KIF1B: variants seen among roughly 807,000 people sequenced by gnomAD.
KIF1B encodes kinesin-like protein KIF1B.
In KIF1B, 76 loss-of-function variants were observed where a neutral mutation model predicts 241.9. The observed-to-expected ratio is 0.31, with a 90% CI of 0.26 to 0.38. The LOEUF (loss-of-function observed/expected upper bound fraction) is 0.38. KIF1B is among the 10% of genes least tolerant of loss of function. The pLI is 1.00. For missense variants in KIF1B, 1,622 were observed against 2,271.4 expected, an observed-to-expected ratio of 0.71 and a Z score of 5.81; for synonymous variants, 750 against 796.7, an observed-to-expected ratio of 0.94 and a Z score of 0.99.
rs1638968928 is a variant in KIF1B at position 10,379,447 on chromosome 1, T to C, written c.*2860T>C. The C allele has an allele frequency of 4.3e-6, 1 of 231,610 alleles. No individual in the cohort carries two copies. Among genetic ancestry groups the C allele is most frequent in the Non-Finnish European group, 8.6e-6 (1 of 116,894 alleles). The allele number at this position is 231,610 out of a possible 1,614,324, so 14.3% of individuals were successfully genotyped here. A position where few individuals can be genotyped will look rare whatever the true frequency, so the allele number is the denominator to read the frequency against. ...GGCAGGTGCAGACAGCCTTTGCTGG[T>C]CCCCAGCACGTCCAGGGTGGGTGCT... is the stretch of plus-strand genomic sequence containing the variant. On this transcript the variant is annotated 3_prime_UTR_variant, in exon 49 of 49. Coordinates refer to ENST00000676179, the MANE Select transcript of KIF1B (RefSeq NM_001365951.3).
intron 2 of KIF1B, among the ~76,000 whole-genome samples, chr1:10,241,009 C>T (rs1417382529): frequency 1.3e-5 from 2 of 152,142 alleles, no homozygotes; most frequent in Non-Finnish European, 2.9e-5. Flanking sequence ...GGAAATATTG[C>T]TGATGCCTTC....
intron 17 of KIF1B, among the ~76,000 whole-genome samples, chr1:10,294,737 G>A (rs887304334): frequency 6.6e-6 from 1 of 152,050 alleles, no homozygotes; most frequent in Non-Finnish European, 1.5e-5. Context: ...GCGTGGTGGC[G>A]AACACCTGTA....
At chr1:10,335,535 A>C (rs1557721340) in intron 28 of KIF1B, among the ~76,000 whole-genome samples, 2 of 152,240 alleles carry the variant, frequency 1.3e-5, no homozygotes, top group African/African-American at 4.8e-5. Context: ...TACAGGCGTC[A>C]GCCACTGCAC....
chr1:10,375,210 C>A, intron 47 of KIF1B, 45 bp from the exon 48 acceptor site: 1 of 1,543,110 alleles, frequency 6.5e-7, no homozygotes, highest in Non-Finnish European at 9.0e-7. Context: ...GTCCCCATTG[C>A]TGTCTCTGTA....
intron 12 of KIF1B, 110 bp downstream of exon 12, chr1:10,276,509 G>C: frequency 1.3e-6 from 1 of 762,804 alleles, no homozygotes; most frequent in East Asian, 2.7e-5. Context: ...TGTAAATAAT[G>C]TTCCTTTCCT....
chr1:10,306,913 A>T (rs1650859501), intron 22 of KIF1B: 1 of 1,046,718 alleles, frequency 9.6e-7, no homozygotes, highest in Non-Finnish European at 1.2e-6. Context: ...ATGGGAGTGA[A>T]TGAGTTACTC....
At chr1:10,219,516 G>A (rs1015104148) in intron 1 of KIF1B, among the ~76,000 whole-genome samples, 1 of 151,860 alleles carries the variant, frequency 6.6e-6, no homozygotes, top group Non-Finnish European at 1.5e-5. Flanking sequence ...CAGCACTTCG[G>A]GAGGCCGAGG....
intron 22 of KIF1B, among the ~76,000 whole-genome samples, chr1:10,301,305 A>G (rs1650529619): frequency 6.6e-6 from 1 of 152,172 alleles, no homozygotes; most frequent in Non-Finnish European, 1.5e-5. Flanking sequence ...CATTTACTAG[A>G]CTGCCCTGAA....
Position 10,361,003 on chromosome 1 carries a change from A to C in KIF1B, c.4130A>C (p.Tyr1377Ser). Residue 1377 changes from tyrosine to serine, a missense_variant, in exon 39 of 49, where the codon TAT becomes TCT. By Grantham distance (144) the Tyr-to-Ser change is moderately radical (BLOSUM62 -2). Transcript: ENST00000676179. Reference sequence around the variant, plus strand: ...CTTCTTCTGAACCGAGTGACACCCTATGGAGAAAAGATCTACATGACCTTG... The same window carrying C: ...CTTCTTCTGAACCGAGTGACACCCTCTGGAGAAAAGATCTACATGACCTTG... Reference protein sequence around the residue: ...NSLLLNRVTPYGEKIYMTLSA... With the variant: ...NSLLLNRVTPSGEKIYMTLSA... The C allele has an allele frequency of 6.2e-7, 1 of 1,613,946 alleles. No homozygotes were observed. Among genetic ancestry groups the C allele is most frequent in the Non-Finnish European group, 8.5e-7 (1 of 1,179,934 alleles).
chr1:10,307,176 C>G, intron 22 of KIF1B: 1 of 1,030,320 alleles, frequency 9.7e-7, no homozygotes, highest in African/African-American at 1.7e-5. Flanking sequence ...TCCCATGATG[C>G]ATTTCTGAGC....
In KIF1B at chr1:10,326,504, TAGTC is replaced by T; in HGVS notation, c.2924+149_2924+152del. 4 of 1,090,126 alleles carry T rather than the reference TAGTC, an allele frequency of 3.7e-6. No individual in the cohort carries two copies. Among genetic ancestry groups the T allele is most frequent in the East Asian group, 4.8e-5 (2 of 41,804 alleles). The allele number at this position is 1,090,126 out of a possible 1,614,324, so 67.5% of individuals were successfully genotyped here. On this transcript the variant is annotated intron_variant, in intron 27 of 48. Coordinates refer to ENST00000676179, the MANE Select transcript of KIF1B (RefSeq NM_001365951.3). The surrounding 1 kb of genome is among the most constrained non-coding windows in gnomAD (Gnocchi z 5.2). ...CAAGTTCTCCAATACTTCAAGCTCT[TAGTC>T]AGTGCTGGTCTGGCTGAGATGGTTC...
chr1:10,343,312 A>T lies in KIF1B; in HGVS notation c.3688+25A>T, dbSNP rs746031273. The T allele has an allele frequency of 3.7e-6, 6 of 1,610,604 alleles. No homozygotes were observed. The African/African-American group carries it at 8.0e-5, about 21-fold the overall frequency. On this transcript the variant is annotated intron_variant, in intron 34 of 48. Transcript: ENST00000676179. ...GGTGAGCACTCGCTCCGCTTTTTGC[A>T]TGATGATCTCTTTGTGAATACATGT...
intron 44 of KIF1B, among the ~76,000 whole-genome samples, chr1:10,369,584 G>C (rs1367893933): frequency 2.6e-5 from 4 of 152,192 alleles, no homozygotes; most frequent in Admixed American, 6.5e-5. Flanking sequence ...AGTGAGGTAT[G>C]ATTGTGCCAT....
At chr1:10,333,503 A>G (rs1652037747) in intron 27 of KIF1B, among the ~76,000 whole-genome samples, 1 of 152,028 alleles carries the variant, frequency 6.6e-6, no homozygotes, top group African/African-American at 2.4e-5. Context: ...CATCCTGGCT[A>G]ACATGGTGAA....
chr1:10,293,085 A>AT (rs1225263166), intron 17 of KIF1B, among the ~76,000 whole-genome samples: 5 of 30,808 alleles, frequency 1.6e-4, no homozygotes, highest in African/African-American at 6.1e-4. Context: ...TGGCCACATA[A>AT]CTTTTTTTTT....
intron 14 of KIF1B, among the ~76,000 whole-genome samples, chr1:10,279,595 C>A (rs1414800180): frequency 6.6e-6 from 1 of 151,652 alleles, no homozygotes; most frequent in Non-Finnish European, 1.5e-5. Context: ...GATTTAAGAG[C>A]TCTGTAGATG....
chr1:10,282,239 A>G lies in KIF1B; in HGVS notation c.1223-83A>G, dbSNP rs944762657. The G allele has an allele frequency of 2.8e-6, 3 of 1,082,186 alleles. No individual in the cohort carries two copies. The Admixed American group carries it at 6.0e-5, about 22-fold the overall frequency. 67.0% of individuals were successfully genotyped at this position (1,082,186 alleles called of 1,614,324 possible). On this transcript the variant is annotated intron_variant, in intron 14 of 48. Coordinates refer to ENST00000676179, the MANE Select transcript of KIF1B (RefSeq NM_001365951.3). ...TTTAATGCTGTCCTTTCTTACAACG[A>G]TATTCCTTCCTGTCTTTTTTTCTTC...
chr1:10,270,799 G>A (rs903428734), intron 7 of KIF1B, among the ~76,000 whole-genome samples: 1 of 151,858 alleles, frequency 6.6e-6, no homozygotes, highest in Non-Finnish European at 1.5e-5. Context: ...GGTGGTGGGC[G>A]CCTGTAAGCT....
At position 10,304,298 on chromosome 1, in the gene KIF1B, T is replaced by C. The variant is rs771933584; in HGVS notation, c.2115+7052T>C. The C allele has an allele frequency of 5.6e-6, 9 of 1,614,084 alleles. No homozygotes were observed. In the Admixed American group the frequency reaches 1.5e-4, roughly 27 times the overall value. On this transcript the variant is annotated intron_variant, in intron 22 of 48. Coordinates refer to ENST00000676179, the MANE Select transcript of KIF1B (RefSeq NM_001365951.3). The stretch of plus-strand genomic sequence containing the variant: ...CACATCCAAGTTAGCAAGCAGCACA[T>C]TAATAATCAGCAACAGCCACCTCAA...
Sources: allele counts gnomAD v4.1 joint callset (sites outside exome capture counted in the v4.1 genomes callset), GRCh38; gene constraint gnomAD v4.1.1; non-coding constraint Gnocchi (gnomAD v3.1); transcripts MANE v1.5; gene names NCBI Gene and HGNC (gene_info 2026-07-23, HGNC 2026-07-21).